Variants in EEFSEC observed in about 807,000 individuals in gnomAD.
EEFSEC encodes the protein selenocysteine-specific elongation factor.
Under a neutral mutation model 42.1 loss-of-function variants are expected in EEFSEC, and 43 were observed. That is an observed-to-expected ratio of 1.02 (90% confidence interval 0.80 to 1.32). EEFSEC has a LOEUF of 1.32. Ranked by LOEUF, EEFSEC falls within the 40% of genes most tolerant of loss-of-function variation. The pLI is 0.00. For missense variants in EEFSEC, 745 were observed against 803.6 expected (o/e 0.93, Z 0.88); for synonymous variants, 354 against 339.1 (o/e 1.04, Z -0.48).
intron 4 of EEFSEC, among the ~76,000 whole-genome samples, chr3:128,302,308 CA>C (rs1447115965): frequency 6.6e-6 from 1 of 152,030 alleles, no homozygotes; most frequent in Non-Finnish European, 1.5e-5. Flanking sequence ...GCTGTAACTG[CA>C]CCTGGTTTCA....
intron 1 of EEFSEC, among the ~76,000 whole-genome samples, chr3:128,164,534 G>A (rs1254244156): frequency 6.6e-6 from 1 of 152,204 alleles, no homozygotes; most frequent in Non-Finnish European, 1.5e-5. Context: ...GAGTGGTCAG[G>A]GTGGCTGGCA....
the EEFSEC span, among the ~76,000 whole-genome samples, chr3:128,423,269 C>T: frequency 1.3e-5 from 2 of 152,114 alleles, no homozygotes; most frequent in South Asian, 2.1e-4. Flanking sequence ...CACAAAATAT[C>T]TATCTACCCA....
intron 4 of EEFSEC, among the ~76,000 whole-genome samples, chr3:128,289,006 C>T (rs758176422): frequency 3.9e-5 from 6 of 152,194 alleles, no homozygotes; most frequent in Non-Finnish European, 7.3e-5. Context: ...GTTAGAGTAT[C>T]GCTATCTCTG....
rs565123188 is a variant in EEFSEC, at chr3:128,250,918, T to G, written c.524+3875T>G. Among the ~76,000 whole-genome samples the G allele has an allele frequency of 7.3e-3, 1,092 of 150,028 alleles. 19 individuals carry two copies. Among genetic ancestry groups the G allele is most frequent in the African/African-American group, 0.025 (1,045 of 41,138 alleles). On this transcript the variant is annotated intron_variant, in intron 2 of 6. Coordinates refer to ENST00000254730, the MANE Select transcript of EEFSEC (RefSeq NM_021937.5). ...CATCTTTAGTTTTTTTTGGTTTTTT[T>G]TTTTTTTTTTTAGCAATGTTTTGTA...
chr3:128,341,855 A>G lies in EEFSEC; in HGVS notation c.1409A>G (p.Tyr470Cys). Reference sequence around the variant, plus strand: ...AGCTTCCTGCCCAGGCTGAAGGTGTACAAGCTGAAGCACAAGCATGGCCTT... The same window carrying G: ...AGCTTCCTGCCCAGGCTGAAGGTGTGCAAGCTGAAGCACAAGCATGGCCTT... ...ADSFLPRLKV[Y>C]KLKHKHGLVE... The change falls in exon 5 of 7, where the codon TAC (tyrosine) becomes TGC (cysteine). Residue 470 changes from tyrosine (Y) to cysteine (C), a missense_variant. Coordinates refer to ENST00000254730, the MANE Select transcript of EEFSEC (RefSeq NM_021937.5). 5 of 1,613,800 alleles carry G rather than the reference A, an allele frequency of 3.1e-6. No individual in the cohort carries two copies. Among genetic ancestry groups the G allele is most frequent in the Non-Finnish European group, 4.2e-6 (5 of 1,180,022 alleles).
At chr3:128,297,333 G>T (rs1280029249) in intron 4 of EEFSEC, among the ~76,000 whole-genome samples, 1 of 152,150 alleles carries the variant, frequency 6.6e-6, no homozygotes, top group Admixed American at 6.5e-5. Flanking sequence ...AACTTTCGGA[G>T]AACTGGCTCT....
intron 4 of EEFSEC, among the ~76,000 whole-genome samples, chr3:128,284,117 G>A (rs2066558240): frequency 6.6e-6 from 1 of 152,124 alleles, no homozygotes; most frequent in Non-Finnish European, 1.5e-5. Flanking sequence ...GGCACCTCCA[G>A]CCCTCCACCC....
chr3:128,171,685 A>G (rs938691648), intron 1 of EEFSEC, among the ~76,000 whole-genome samples: 3 of 152,198 alleles, frequency 2.0e-5, no homozygotes, highest in Non-Finnish European at 4.4e-5. Context: ...ACAATGTTCT[A>G]TCTGAACCAT....
intron 1 of EEFSEC, among the ~76,000 whole-genome samples, chr3:128,238,221 G>A (rs1240441069): frequency 3.9e-5 from 6 of 152,184 alleles, no homozygotes; most frequent in African/African-American, 7.2e-5. Flanking sequence ...ATAGGGAATT[G>A]CAGGAACCAG....
chr3:128,235,239 AT>A (rs11412086), intron 1 of EEFSEC, among the ~76,000 whole-genome samples: 4 of 147,626 alleles, frequency 2.7e-5, no homozygotes, highest in African/African-American at 7.5e-5. Flanking sequence ...TAATTTTTGT[AT>A]TTTTTTTTTG....
At chr3:128,255,725 G>A (rs962152814) in intron 2 of EEFSEC, among the ~76,000 whole-genome samples, 3 of 152,178 alleles carry the variant, frequency 2.0e-5, no homozygotes, top group Non-Finnish European at 2.9e-5. Flanking sequence ...GAAATTGGAT[G>A]TTGATTGAAA....
At chr3:128,216,960 CGTACATAT>C (rs2065816878) in intron 1 of EEFSEC, among the ~76,000 whole-genome samples, 1 of 152,084 alleles carries the variant, frequency 6.6e-6, no homozygotes, top group African/African-American at 2.4e-5. Flanking sequence ...GGGCTGGACA[CGTACATAT>C]GTAGCTCAAG....
chr3:128,173,950 C>T (rs2065323389), intron 1 of EEFSEC, among the ~76,000 whole-genome samples: 1 of 152,156 alleles, frequency 6.6e-6, no homozygotes, highest in Non-Finnish European at 1.5e-5. Context: ...ACGTGGATGG[C>T]CTGCTCTCTT....
At chr3:128,399,072 TAAAA>T (rs1367159112) in intron 6 of EEFSEC, among the ~76,000 whole-genome samples, 3 of 131,804 alleles carry the variant, frequency 2.3e-5, no homozygotes, top group African/African-American at 1.0e-4. Context: ...TTTTTTGCCT[TAAAA>T]AATAAATAAA....
rs369952257 is a variant in EEFSEC, at chr3:128,357,047, A to G, written c.1444-1170A>G. Reference sequence around the variant, plus strand: ...TTCCTAGAAGTGAAATTGATGGTCCAGATGGTGTGTGCATTGCTCATTTCC... The same window carrying G: ...TTCCTAGAAGTGAAATTGATGGTCCGGATGGTGTGTGCATTGCTCATTTCC... On this transcript the variant is annotated intron_variant, in intron 5 of 6. Transcript: ENST00000254730. Among the ~76,000 whole-genome samples, 5 of 152,380 alleles carry G rather than the reference A, an allele frequency of 3.3e-5. No homozygotes were observed. In the South Asian group the frequency reaches 1.0e-3, roughly 32 times the overall value.
intron 4 of EEFSEC, among the ~76,000 whole-genome samples, chr3:128,319,170 C>T (rs1261145646): frequency 6.6e-6 from 1 of 152,180 alleles, no homozygotes; most frequent in African/African-American, 2.4e-5. Flanking sequence ...GAGGTCCTGA[C>T]CCCCCTCCAA....
intron 6 of EEFSEC, among the ~76,000 whole-genome samples, chr3:128,386,480 TG>T (rs373890750): frequency 1.8e-3 from 263 of 148,350 alleles, no homozygotes; most frequent in South Asian, 0.016. Flanking sequence ...AGACAGGCAG[TG>T]GGGGGGGGAT....
At chr3:128,391,621 C>T (rs1056977785) in intron 6 of EEFSEC, among the ~76,000 whole-genome samples, 2 of 152,206 alleles carry the variant, frequency 1.3e-5, no homozygotes, top group African/African-American at 4.8e-5. Flanking sequence ...CACCGATGGG[C>T]TCTTCTCTCT....
rs773610528 is a variant in EEFSEC at position 128,358,219 on chromosome 3, G to A, written c.1446G>A (p.Ala482=). 9.3e-6 allele frequency: 15 copies of A among 1,613,812 alleles called. No homozygotes were observed. Among genetic ancestry groups the A allele is most frequent in the East Asian group, 2.2e-5 (1 of 44,880 alleles). The change falls in exon 6 of 7, where the codon GCG becomes GCA. Residue 482 remains alanine, a splice_region_variant and synonymous_variant. Transcript: ENST00000254730. ...TGTGGCTGGGTGTGTGGGGACAGGC[G>A]ATGGATGACTACAGTGTGATCGGCC... is the stretch of plus-strand genomic sequence containing the variant. The part of the protein sequence containing the change: ...LKHKHGLVER[A]MDDYSVIGRS...
Sources: allele counts gnomAD v4.1 joint callset (sites outside exome capture counted in the v4.1 genomes callset), GRCh38; gene constraint gnomAD v4.1.1; transcripts MANE v1.5; gene names NCBI Gene and HGNC (gene_info 2026-07-23, HGNC 2026-07-21).